Variants in CSMD2 observed in about 807,000 individuals in gnomAD.
CSMD2 encodes the protein CUB and sushi domain-containing protein 2.
A neutral mutation model predicts 398.5 loss-of-function variants in CSMD2; 130 were observed. The observed-to-expected ratio is 0.33, with a 90% CI of 0.28 to 0.38. CSMD2 has a LOEUF of 0.38. Among genes scored for constraint, CSMD2 ranks in the 10% least tolerant of loss-of-function variants. The pLI, the probability that CSMD2 is intolerant of heterozygous loss-of-function variation, is 1.00. For synonymous variants in CSMD2, 1,828 were observed against 1,908.5 expected (o/e 0.96, Z 1.10); for missense variants, 3,829 against 4,764.9 (o/e 0.80, Z 5.78).
At chr1:33,622,096 G>T in intron 37 of CSMD2, 71 bp downstream of exon 37, 1 of 1,118,214 alleles carries the variant, frequency 8.9e-7, no homozygotes, top group Non-Finnish European at 1.4e-6. Flanking sequence ...TTTAATCCTT[G>T]CTCAGAAGGG....
At position 33,600,416 on chromosome 1, in the gene CSMD2, G is replaced by A. The variant is rs1203498998; in HGVS notation, c.6856+449C>T. 2.3e-5 allele frequency: 13 copies of A among 560,992 alleles called. No homozygotes were observed. The South Asian group carries it at 2.4e-4, about 10-fold the overall frequency. The allele number at this position is 560,992 out of a possible 1,614,324, so 34.8% of individuals were successfully genotyped here. On this transcript the variant is annotated intron_variant, in intron 44 of 70. Coordinates refer to ENST00000373381, the MANE Select transcript of CSMD2 (RefSeq NM_001281956.2). ...AATAAAGGCATACCTACTCTGAATT[G>A]TTCATACTCTTCCTACTCAAAATCA...
chr1:33,995,261 T>C (rs913764776), intron 3 of CSMD2, among the ~76,000 whole-genome samples: 1 of 152,148 alleles, frequency 6.6e-6, no homozygotes, highest in Admixed American at 6.5e-5. Flanking sequence ...CTGTCTTCGC[T>C]TCTCACAAAA....
At chr1:33,875,267 G>A (rs1056358929) in intron 5 of CSMD2, among the ~76,000 whole-genome samples, 15 of 152,306 alleles carry the variant, frequency 9.8e-5, no homozygotes, top group African/African-American at 3.6e-4. Flanking sequence ...AAACATAAGG[G>A]GCGGGGGAAC....
chr1:33,614,588 C>T lies in CSMD2; in HGVS notation c.6049G>A (p.Gly2017Arg), dbSNP rs1413897435. The change falls in exon 40 of 71, where the codon GGG (glycine) becomes AGG (arginine). Residue 2017 changes from glycine to arginine, a missense_variant. By Grantham distance (125) the Gly-to-Arg change is moderately radical. Transcript: ENST00000373381. ...QCGGTVEEMEGVILSPGFPGN... is the reference protein window; with the variant it reads ...QCGGTVEEMERVILSPGFPGN... ...GGGAAGCCGGGGCTCAGGATCACCCCCTCCATCTCCTCCACTGTTCCCCCA... is the reference window on the plus strand; with the variant it reads ...GGGAAGCCGGGGCTCAGGATCACCCTCTCCATCTCCTCCACTGTTCCCCCA... 1.2e-5 allele frequency: 20 copies of T among 1,610,858 alleles called. No individual in the cohort carries two copies. Among genetic ancestry groups the T allele is most frequent in the Non-Finnish European group, 1.6e-5 (19 of 1,177,428 alleles).
chr1:33,935,568 A>G (rs1644452562), intron 4 of CSMD2, among the ~76,000 whole-genome samples, 192 bp downstream of exon 4: 1 of 152,202 alleles, frequency 6.6e-6, no homozygotes, highest in Admixed American at 6.5e-5. Flanking sequence ...CTTGAGGGTT[A>G]GGAGGTCAGG....
intron 1 of CSMD2, among the ~76,000 whole-genome samples, chr1:34,126,785 G>A (rs12129909): frequency 0.013 from 578 of 46,110 alleles, 4 homozygotes; most frequent in Admixed American, 0.019. Flanking sequence ...GGAGAGACTC[G>A]GGGAGAGAGA....
chr1:33,631,211 C>G (rs890999386), intron 32 of CSMD2, among the ~76,000 whole-genome samples: 4 of 152,010 alleles, frequency 2.6e-5, no homozygotes, highest in African/African-American at 9.7e-5. Flanking sequence ...GCAGGAATAT[C>G]ACCACTAATA....
intron 5 of CSMD2, among the ~76,000 whole-genome samples, chr1:33,865,003 G>A: frequency 6.8e-6 from 1 of 147,516 alleles, no homozygotes; most frequent in Non-Finnish European, 1.5e-5. Flanking sequence ...GGAAAGGGAG[G>A]GAAGGGCTGG....
intron 4 of CSMD2, among the ~76,000 whole-genome samples, chr1:33,932,550 GT>G (rs1644347378): frequency 6.6e-6 from 1 of 152,170 alleles, no homozygotes; most frequent in East Asian, 1.9e-4. Context: ...CAGAAGAGTG[GT>G]ATCTCTCCAC....
rs1641588764 is a variant in CSMD2, at chr1:34,163,867, G to A, written c.187+1044C>T. ...TTGTAGCTAGAACTGAGCTTCGGAG[G>A]GGTGCTGTGGGTAAAGCGGGAGGGC... On this transcript the variant is annotated intron_variant, in intron 1 of 70. Transcript: ENST00000373381. This position sits in a 1 kb window ranked among gnomAD's most constrained non-coding sequence, Gnocchi z 5.4. 6.6e-6 allele frequency among the ~76,000 whole-genome samples: 1 copy of A among 152,114 alleles called. No individual in the cohort carries two copies. The highest frequency in any genetic ancestry group is 2.4e-5 in the African/African-American group (1 of 41,436).
chr1:33,570,787 T>C (rs888419835), intron 51 of CSMD2, among the ~76,000 whole-genome samples: 1 of 152,078 alleles, frequency 6.6e-6, no homozygotes, highest in Non-Finnish European at 1.5e-5. Context: ...CAGTGGCTGG[T>C]CAGTGTGGCA....
intron 2 of CSMD2, among the ~76,000 whole-genome samples, chr1:34,081,713 C>T (rs957875656): frequency 6.6e-6 from 1 of 152,230 alleles, no homozygotes; most frequent in African/African-American, 2.4e-5. Context: ...TCAATGTTGC[C>T]CAGGCTGGAG....
intron 2 of CSMD2, among the ~76,000 whole-genome samples, chr1:34,035,450 C>T (rs756427971): frequency 2.0e-5 from 3 of 151,852 alleles, no homozygotes; most frequent in Non-Finnish European, 2.9e-5. Context: ...AACACAAAAA[C>T]CTTAACAAAA....
rs190857252 is a variant in CSMD2, at chr1:33,992,722, A to T, written c.517+39872T>A. On this transcript the variant is annotated intron_variant, in intron 3 of 70. Transcript: ENST00000373381. Reference sequence around the variant, plus strand: ...TCTCTACTAAAAATAAAAATAAAAAAAAAAATTAGCCGGGCGTGGTGGTGG... The same window carrying T: ...TCTCTACTAAAAATAAAAATAAAAATAAAAATTAGCCGGGCGTGGTGGTGG... Among the ~76,000 whole-genome samples the T allele has an allele frequency of 8.3e-3, 1,256 of 151,330 alleles. 17 individuals are homozygous for T. The highest frequency in any genetic ancestry group is 0.028 in the African/African-American group (1,160 of 41,306).
intron 5 of CSMD2, among the ~76,000 whole-genome samples, chr1:33,868,414 G>A (rs116650536): frequency 0.012 from 1,895 of 152,172 alleles, 31 homozygotes; most frequent in East Asian, 0.033. Flanking sequence ...CATCTCTCAC[G>A]TTCCGGTGAG....
At chr1:33,672,809 T>A (rs1390733374) in intron 25 of CSMD2, among the ~76,000 whole-genome samples, 3 of 152,312 alleles carry the variant, frequency 2.0e-5, no homozygotes, top group East Asian at 1.9e-4. Context: ...TTCACCAATA[T>A]CTGCTGTTCT....
At chr1:33,778,657 A>G (rs1652308259) in intron 12 of CSMD2, among the ~76,000 whole-genome samples, 1 of 152,148 alleles carries the variant, frequency 6.6e-6, no homozygotes, top group Non-Finnish European at 1.5e-5. Flanking sequence ...ATGCCACACT[A>G]AGCACTAAAG....
chr1:33,779,163 A>G (rs1241689044), intron 12 of CSMD2, among the ~76,000 whole-genome samples: 1 of 152,034 alleles, frequency 6.6e-6, no homozygotes, highest in Non-Finnish European at 1.5e-5. Context: ...CTAAAATCCT[A>G]ACTCCTCAGC....
At position 33,546,236 on chromosome 1, in the gene CSMD2, C is replaced by T. The variant is rs1656880238; in HGVS notation, c.8918-17G>A. The T allele has an allele frequency of 6.3e-7, 1 of 1,597,032 alleles. No individual in the cohort carries two copies. On this transcript the variant is annotated splice_polypyrimidine_tract_variant and intron_variant, in intron 56 of 70. Coordinates refer to ENST00000373381, the MANE Select transcript of CSMD2 (RefSeq NM_001281956.2). ...CGCTGGTTCCTATGGACCAGAACCACACAAATCCCATTATTTTTCAGGGAA... is the reference window on the plus strand; with the variant it reads ...CGCTGGTTCCTATGGACCAGAACCATACAAATCCCATTATTTTTCAGGGAA...
Sources: allele counts gnomAD v4.1 joint callset (sites outside exome capture counted in the v4.1 genomes callset), GRCh38; gene constraint gnomAD v4.1.1; non-coding constraint Gnocchi (gnomAD v3.1); transcripts MANE v1.5; gene names NCBI Gene and HGNC (gene_info 2026-07-23, HGNC 2026-07-21).